DLG2: variants seen among roughly 807,000 people sequenced by gnomAD.
The protein encoded by DLG2 is disks large homolog 2.
A neutral mutation model predicts 132.5 loss-of-function variants in DLG2; 45 were observed. The ratio of observed to expected loss-of-function variants is 0.34; its 90% CI spans 0.27 to 0.44. The LOEUF (loss-of-function observed/expected upper bound fraction) is 0.44. DLG2 is among the 20% of genes least tolerant of loss of function. The pLI is 1.00. For missense variants in DLG2, 1,045 were observed against 1,196.9 expected, an observed-to-expected ratio of 0.87 and a Z score of 1.87; for synonymous variants, 424 against 419.6, an observed-to-expected ratio of 1.01 and a Z score of -0.13.
At chr11:83,582,802 A>G (rs2097005438) in intron 19 of DLG2, among the ~76,000 whole-genome samples, 1 of 152,254 alleles carries the variant, frequency 6.6e-6, no homozygotes, top group Non-Finnish European at 1.5e-5. Flanking sequence ...TGTTTTACTT[A>G]TACTGTATAG....
chr11:84,383,032 C>G (rs1017586187), intron 7 of DLG2, among the ~76,000 whole-genome samples: 5 of 151,762 alleles, frequency 3.3e-5, no homozygotes, highest in African/African-American at 9.7e-5. Flanking sequence ...GCATTTGTAC[C>G]ATGAAACTCT....
intron 3 of DLG2, among the ~76,000 whole-genome samples, chr11:85,509,579 C>A (rs2094010822): frequency 1.3e-5 from 2 of 152,056 alleles, no homozygotes; most frequent in East Asian, 1.9e-4. Context: ...GCTGTCTCAA[C>A]ATTTTTTAAA....
intron 9 of DLG2, among the ~76,000 whole-genome samples, chr11:84,144,201 G>A (rs948484982): frequency 5.3e-5 from 8 of 152,112 alleles, no homozygotes; most frequent in African/African-American, 1.4e-4. Context: ...ATAGCTTTCT[G>A]TAATAAAAAT....
chr11:84,838,594 C>T (rs1189616390), intron 6 of DLG2, among the ~76,000 whole-genome samples: 5 of 151,796 alleles, frequency 3.3e-5, no homozygotes, highest in Admixed American at 1.3e-4. Context: ...ATTCATAATC[C>T]CTAGAAACTC....
In DLG2 at chr11:83,466,824, G is replaced by A; in HGVS notation, c.2620-7C>T. On this transcript the variant is annotated splice_region_variant and splice_polypyrimidine_tract_variant and intron_variant, in intron 25 of 27. Coordinates refer to ENST00000376104, the MANE Select transcript of DLG2 (RefSeq NM_001142699.3). ...CAAGTATACAGTGTTTGCCCTGGTA[G>A]AAAGAGAAGAAAAATATGAAGTTAA... 6.3e-7 allele frequency: 1 copy of A among 1,581,026 alleles called. No individual in the cohort carries two copies. Among genetic ancestry groups the A allele is most frequent in the South Asian group, 1.1e-5 (1 of 90,310 alleles).
chr11:85,094,403 T>G (rs1159668277), intron 6 of DLG2, among the ~76,000 whole-genome samples: 1 of 152,190 alleles, frequency 6.6e-6, no homozygotes, highest in Non-Finnish European at 1.5e-5. Flanking sequence ...AAGTTCTAGG[T>G]AGCACCTTCT....
intron 18 of DLG2, chr11:83,691,992 A>C (rs1302551040): frequency 6.6e-6 from 1 of 152,200 alleles, no homozygotes; most frequent in African/African-American, 2.4e-5. Context: ...CCTCCCCGCA[A>C]ACAGGAATTT....
rs534026952 is a variant in DLG2 at position 83,756,809 on chromosome 11, G to A, written c.1825+29881C>T. Among the ~76,000 whole-genome samples the A allele has an allele frequency of 2.6e-5, 4 of 151,910 alleles. No homozygotes were observed. The South Asian group carries it at 8.3e-4, about 32-fold the overall frequency. On this transcript the variant is annotated intron_variant, in intron 18 of 27. Transcript: ENST00000376104. ...GAGTTAGCAGTCTTAGGGAGTCTTGGAGTTCATTATTAACATAAAATACAA... is the reference window on the plus strand; with the variant it reads ...GAGTTAGCAGTCTTAGGGAGTCTTGAAGTTCATTATTAACATAAAATACAA...
intron 6 of DLG2, among the ~76,000 whole-genome samples, chr11:84,535,305 T>C (rs1054939793): frequency 6.6e-6 from 1 of 152,180 alleles, no homozygotes; most frequent in African/African-American, 2.4e-5. Flanking sequence ...AGAAGGAGTA[T>C]TGATTTGGGT....
intron 6 of DLG2, among the ~76,000 whole-genome samples, chr11:84,872,406 A>C (rs1251761518): frequency 6.6e-6 from 1 of 152,214 alleles, no homozygotes; most frequent in Non-Finnish European, 1.5e-5. Flanking sequence ...AGGCAGCATC[A>C]GTACTAAGAA....
At chr11:84,544,982 C>T in intron 6 of DLG2, 1 of 341,614 alleles carries the variant, frequency 2.9e-6, no homozygotes, top group South Asian at 2.5e-5. Flanking sequence ...ATTTTTTGTC[C>T]ATACACATGA....
intron 6 of DLG2, among the ~76,000 whole-genome samples, chr11:84,738,941 C>T (rs1690442037): frequency 6.6e-6 from 1 of 151,980 alleles, no homozygotes; most frequent in African/African-American, 2.4e-5. Flanking sequence ...AGGCATGAAA[C>T]TGTGCATATT....
At chr11:85,503,332 A>C (rs139552280) in intron 3 of DLG2, among the ~76,000 whole-genome samples, 3 of 152,250 alleles carry the variant, frequency 2.0e-5, no homozygotes, top group Admixed American at 2.0e-4. Context: ...ATATATATTT[A>C]GTATCCAGCC....
chr11:85,197,178 TA>T (rs1301531025), intron 4 of DLG2, among the ~76,000 whole-genome samples: 1 of 152,218 alleles, frequency 6.6e-6, no homozygotes, highest in Non-Finnish European at 1.5e-5. Context: ...TTCTACGATG[TA>T]ATATTGAACT....
At chr11:85,151,520 T>C (rs2077250395) in intron 5 of DLG2, among the ~76,000 whole-genome samples, 1 of 152,210 alleles carries the variant, frequency 6.6e-6, no homozygotes, top group Non-Finnish European at 1.5e-5. Context: ...TTATAGAGTT[T>C]AAAGTCTTAC....
chr11:85,588,379 T>C (rs1233945700), intron 3 of DLG2, among the ~76,000 whole-genome samples: 1 of 152,166 alleles, frequency 6.6e-6, no homozygotes, highest in East Asian at 1.9e-4. Context: ...TTTGTTCATT[T>C]TTTTTTCTTT....
At chr11:83,521,771 T>G (rs12577373) in intron 21 of DLG2, among the ~76,000 whole-genome samples, 52,480 of 151,886 alleles carry the variant, frequency 0.35, 9,420 homozygotes, top group Middle Eastern at 0.46. Context: ...CATTGCCATC[T>G]GTGGGCTCCC....
intron 9 of DLG2, among the ~76,000 whole-genome samples, chr11:84,134,096 G>C (rs1368979901): frequency 6.6e-6 from 1 of 151,984 alleles, no homozygotes; most frequent in Non-Finnish European, 1.5e-5. Context: ...TGGGAATTCA[G>C]CTACAAAAGA....
At chr11:84,295,818 G>C (rs2098082297) in intron 7 of DLG2, among the ~76,000 whole-genome samples, 1 of 152,162 alleles carries the variant, frequency 6.6e-6, no homozygotes, top group African/African-American at 2.4e-5. Flanking sequence ...TATTTCTGCT[G>C]ATCTTTGAAT....
Sources: gnomAD v4.1 joint callset for allele counts (sites outside exome capture counted in the v4.1 genomes callset) on GRCh38, gnomAD v4.1.1 for gene constraint, MANE v1.5 for transcripts, NCBI Gene and HGNC (gene_info 2026-07-23, HGNC 2026-07-21) for gene names.